Variants in VIPAS39 observed in about 807,000 individuals in gnomAD.
VIPAS39 encodes the protein VPS33B interacting protein, apical-basolateral polarity regulator, spe-39 homolog, also known as spermatogenesis-defective protein 39 homolog.
A neutral mutation model predicts 84.7 loss-of-function variants in VIPAS39; 63 were observed. The ratio of observed to expected loss-of-function variants is 0.74; its 90% CI spans 0.61 to 0.92. The LOEUF (loss-of-function observed/expected upper bound fraction) is 0.92, where lower values mean the gene tolerates loss of function less well. VIPAS39 is among the 40% of genes least tolerant of loss of function. The pLI, the probability that VIPAS39 is intolerant of heterozygous loss-of-function variation, is 0.00. For synonymous variants in VIPAS39, 192 were observed against 216.5 expected (o/e 0.89, Z 0.99); for missense variants, 499 against 604.5 (o/e 0.83, Z 1.83).
intron 7 of VIPAS39, among the ~76,000 whole-genome samples, chr14:77,446,989 T>A (rs1264603325): frequency 1.3e-5 from 2 of 150,254 alleles, no homozygotes; most frequent in Non-Finnish European, 3.0e-5. Flanking sequence ...GTTACATTTA[T>A]ATATTTATAA....
intron 13 of VIPAS39, 64 bp from the exon 14 acceptor site, chr14:77,435,457 AAAATC>A: frequency 6.3e-7 from 1 of 1,595,712 alleles, no homozygotes. Flanking sequence ...AGGCAGGAGA[AAAATC>A]TTTTAATACT....
At chr14:77,433,786 A>G (rs1235113733) in intron 16 of VIPAS39, 56 bp downstream of exon 16, 3 of 1,564,186 alleles carry the variant, frequency 1.9e-6, no homozygotes, top group African/African-American at 2.7e-5. Context: ...AACTTATAAC[A>G]TGATAGAACC....
intron 7 of VIPAS39, among the ~76,000 whole-genome samples, chr14:77,446,183 T>C (rs2078786236): frequency 6.6e-6 from 1 of 152,248 alleles, no homozygotes; most frequent in Non-Finnish European, 1.5e-5. Flanking sequence ...AAGATTTTCG[T>C]CTATATTTTC....
In VIPAS39 at chr14:77,457,502, G is replaced by T; in HGVS notation, c.-8C>A. On this transcript the variant is annotated 5_prime_UTR_variant, in exon 1 of 20. Coordinates refer to ENST00000557658, the MANE Select transcript of VIPAS39 (RefSeq NM_001193315.2). ...GGCTTGGGACACCCTCACCTCTTCC[G>T]CACAGAGCCCTCCCTCTCAGGACAG... 9.4e-7 allele frequency: 1 copy of T among 1,064,088 alleles called. No homozygotes were observed. The highest frequency in any genetic ancestry group is 1.4e-6 in the Non-Finnish European group (1 of 733,104). 65.9% of individuals were successfully genotyped at this position (1,064,088 alleles called of 1,614,324 possible).
At chr14:77,452,779 CAAA>C (rs11418833) in intron 3 of VIPAS39, among the ~76,000 whole-genome samples, 1 of 106,814 alleles carries the variant, frequency 9.4e-6, no homozygotes, top group Admixed American at 1.2e-4. Flanking sequence ...GACTCCATCT[CAAA>C]AAAAAAAAAA....
chr14:77,432,208 G>A (rs898556898), intron 16 of VIPAS39, among the ~76,000 whole-genome samples: 7 of 151,912 alleles, frequency 4.6e-5, no homozygotes, highest in East Asian at 3.9e-4. Context: ...ACATCTTATC[G>A]TATAACTTAA....
rs765707379 is a variant in VIPAS39, at chr14:77,457,399, G to A, written c.-1+96C>T. ...AGAGAATCAGGCCTGTAGTCATAGGGTGTAGGGATGCCTCCTAGAAGAGGG... is the reference window on the plus strand; with the variant it reads ...AGAGAATCAGGCCTGTAGTCATAGGATGTAGGGATGCCTCCTAGAAGAGGG... On this transcript the variant is annotated intron_variant, in intron 1 of 19. Coordinates refer to ENST00000557658, the MANE Select transcript of VIPAS39 (RefSeq NM_001193315.2). The A allele has an allele frequency of 8.5e-6, 13 of 1,535,406 alleles. No homozygotes were observed. In the African/African-American group the frequency reaches 1.5e-4, roughly 18 times the overall value.
At chr14:77,447,045 G>C (rs1463992169) in intron 7 of VIPAS39, among the ~76,000 whole-genome samples, 1 of 133,580 alleles carries the variant, frequency 7.5e-6, no homozygotes, top group African/African-American at 2.6e-5. Context: ...GCCACACCTG[G>C]CTTTTTTTTT....
intron 11 of VIPAS39, among the ~76,000 whole-genome samples, chr14:77,440,735 G>A (rs1007128523): frequency 2.6e-5 from 4 of 151,930 alleles, no homozygotes; most frequent in African/African-American, 2.4e-5. Flanking sequence ...TTCTGGGTTC[G>A]TGAGACAGAG....
At chr14:77,439,699 G>C (rs6574371) in intron 11 of VIPAS39, among the ~76,000 whole-genome samples, 2 of 151,764 alleles carry the variant, frequency 1.3e-5, no homozygotes, top group African/African-American at 4.8e-5. Context: ...CCTAAGGCTT[G>C]AGCCAGGAAT....
rs546494893 is a variant in VIPAS39, at chr14:77,442,552, G to A, written c.734+8C>T. On this transcript the variant is annotated splice_region_variant and intron_variant, in intron 10 of 19. Transcript: ENST00000557658. The stretch of plus-strand genomic sequence containing the variant: ...CTAAACTTTATAGACCAGATGATCA[G>A]TTCTTACCTGAAGAGGTCTAAAAGC... The A allele has an allele frequency of 6.2e-7, 1 of 1,609,018 alleles. No individual in the cohort carries two copies. The highest frequency in any genetic ancestry group is 8.5e-7 in the Non-Finnish European group (1 of 1,175,448).
chr14:77,449,288 C>T lies in VIPAS39; in HGVS notation c.447+5G>A. ...AGTGTCACACCAGTGTATGCTGTAACTCACCCTATACTCCCCTTTGGGTCT... is the reference window on the plus strand; with the variant it reads ...AGTGTCACACCAGTGTATGCTGTAATTCACCCTATACTCCCCTTTGGGTCT... On this transcript the variant is annotated splice_donor_5th_base_variant and intron_variant, in intron 6 of 19. Transcript: ENST00000557658. 1 of 1,613,944 alleles carries T rather than the reference C, an allele frequency of 6.2e-7. No homozygotes were observed. The highest frequency in any genetic ancestry group is 8.5e-7 in the Non-Finnish European group (1 of 1,179,784).
intron 1 of VIPAS39, among the ~76,000 whole-genome samples, chr14:77,455,472 G>A (rs1485906825): frequency 6.6e-6 from 1 of 152,142 alleles, no homozygotes; most frequent in African/African-American, 2.4e-5. Context: ...GTGACACAGT[G>A]AGACCCTCCC....
At chr14:77,442,947 A>T (rs1442337303) in intron 9 of VIPAS39, among the ~76,000 whole-genome samples, 172 bp downstream of exon 9, 1 of 152,106 alleles carries the variant, frequency 6.6e-6, no homozygotes, top group Non-Finnish European at 1.5e-5. Context: ...TGTAGTCATC[A>T]CCCTAAAGGA....
chr14:77,448,571 G>T, intron 6 of VIPAS39, 21 bp from the exon 7 acceptor site: 1 of 1,613,664 alleles, frequency 6.2e-7, no homozygotes. Flanking sequence ...AGCAATACGT[G>T]AATCCCAGGA....
chr14:77,453,540 A>G, intron 2 of VIPAS39, 139 bp from the exon 3 acceptor site: 1 of 822,780 alleles, frequency 1.2e-6, no homozygotes, highest in Non-Finnish European at 2.1e-6. Flanking sequence ...AGCATACTAC[A>G]TATTTGCCAA....
chr14:77,439,315 A>G (rs1282916294), intron 11 of VIPAS39, among the ~76,000 whole-genome samples: 2 of 152,256 alleles, frequency 1.3e-5, no homozygotes, highest in East Asian at 1.9e-4. Flanking sequence ...AAAAAACTTT[A>G]TAAGAATGCT....
At chr14:77,457,258 CAG>C (rs748777537) in intron 1 of VIPAS39, 22 of 1,534,678 alleles carry the variant, frequency 1.4e-5, no homozygotes, top group Admixed American at 7.9e-5. Context: ...GGATCCCTGG[CAG>C]AGTTAAATGC....
chr14:77,449,659 C>G, intron 5 of VIPAS39, 55 bp downstream of exon 5: 5 of 1,607,958 alleles, frequency 3.1e-6, no homozygotes, highest in African/African-American at 1.3e-5. Context: ...ACTCCCCAGA[C>G]TGTACCAGAT....
Sources: allele counts gnomAD v4.1 joint callset (sites outside exome capture counted in the v4.1 genomes callset), GRCh38; gene constraint gnomAD v4.1.1; transcripts MANE v1.5; gene names NCBI Gene and HGNC (gene_info 2026-07-23, HGNC 2026-07-21).